Variants in RBM39 observed in about 807,000 individuals in gnomAD.
The protein encoded by RBM39 is RNA binding motif protein 39, also known as RNA-binding protein 39.
In RBM39, 12 loss-of-function variants were observed where a neutral mutation model predicts 79.6. The observed-to-expected ratio is 0.15, with a 90% CI of 0.10 to 0.24. The LOEUF (loss-of-function observed/expected upper bound fraction) is 0.24. Among genes scored for constraint, RBM39 ranks in the 10% least tolerant of loss-of-function variants. The pLI, the probability that RBM39 is intolerant of heterozygous loss-of-function variation, is 1.00. For synonymous variants in RBM39, 185 were observed against 208.4 expected, an observed-to-expected ratio of 0.89 and a Z score of 0.97; for missense variants, 243 against 653.4, an observed-to-expected ratio of 0.37 and a Z score of 6.85.
Position 35,705,201 on chromosome 20 carries a change from A to G in RBM39, c.1413+24T>C, listed in dbSNP as rs201883929. On this transcript the variant is annotated intron_variant, in intron 15 of 16. Transcript: ENST00000253363. ...AGGTAGAGACGAACAACCTAACATC[A>G]TTTATAAAAAAAGATGAAAATACCT... 1,086 of 1,361,010 alleles carry G rather than the reference A, an allele frequency of 8.0e-4. 1 individual carries two copies. Among genetic ancestry groups the G allele is most frequent in the Non-Finnish European group, 1.0e-3 (1,012 of 974,492 alleles). 84.3% of individuals were successfully genotyped at this position (1,361,010 alleles called of 1,614,324 possible). A position where few individuals can be genotyped will look rare whatever the true frequency, so the allele number is the denominator to read the frequency against.
chr20:35,709,160 C>A, intron 13 of RBM39, 64 bp downstream of exon 13: 1 of 1,404,586 alleles, frequency 7.1e-7, no homozygotes. Context: ...ATATAGAAAA[C>A]TGTCTTACTA....
chr20:35,722,457 G>GTTTTTTTTTTT (rs1423718184), intron 8 of RBM39, among the ~76,000 whole-genome samples: 9 of 131,250 alleles, frequency 6.9e-5, no homozygotes, highest in South Asian at 4.9e-4. Context: ...TTATTTAGAG[G>GTTTTTTTTTTT]CTTTTTTTTT....
intron 15 of RBM39, 124 bp from the exon 16 acceptor site, chr20:35,704,870 G>GT: frequency 1.3e-6 from 1 of 744,964 alleles, no homozygotes; most frequent in South Asian, 1.8e-5. Context: ...TACCATAATG[G>GT]TTCCACTGGC....
intron 12 of RBM39, 144 bp downstream of exon 12, chr20:35,712,875 T>A: frequency 1.6e-6 from 1 of 624,018 alleles, no homozygotes; most frequent in Non-Finnish European, 2.7e-6. Context: ...TGTCTCCACT[T>A]CCTTAAATAG....
At chr20:35,724,902 T>G (rs2038469222) in intron 7 of RBM39, 136 bp downstream of exon 7, 1 of 997,568 alleles carries the variant, frequency 1.0e-6, no homozygotes, top group Admixed American at 2.3e-5. Context: ...ATTTATCAAC[T>G]CCAATACTAC....
intron 13 of RBM39, 170 bp from the exon 14 acceptor site, chr20:35,707,371 G>C (rs1173946687): frequency 2.4e-6 from 1 of 409,486 alleles, no homozygotes; most frequent in Non-Finnish European, 4.4e-6. Context: ...GTAGCTTTTA[G>C]GTGCCAGAAA....
At chr20:35,731,082 GAT>G (rs2039317286) in intron 4 of RBM39, among the ~76,000 whole-genome samples, 2 of 152,194 alleles carry the variant, frequency 1.3e-5, no homozygotes, top group Admixed American at 1.3e-4. Flanking sequence ...TAGCTTAGGG[GAT>G]TAAGTATCTT....
In RBM39 at chr20:35,721,720, A is replaced by T. The variant is rs750583615; in HGVS notation, c.825+20T>A. ...CAGATCAACAACCTACTGAAGATTC[A>T]TTGAAGAACCTGGACTTACTCTTCC... On this transcript the variant is annotated intron_variant, in intron 9 of 16. Coordinates refer to ENST00000253363, the MANE Select transcript of RBM39 (RefSeq NM_184234.3). 6.2e-7 allele frequency: 1 copy of T among 1,611,378 alleles called. No individual in the cohort carries two copies. Among genetic ancestry groups the T allele is most frequent in the South Asian group, 1.1e-5 (1 of 90,996 alleles).
Position 35,740,883 on chromosome 20 carries a change from A to C in RBM39, c.-9T>G. 6.2e-7 allele frequency: 1 copy of C among 1,607,624 alleles called. No individual in the cohort carries two copies. The highest frequency in any genetic ancestry group is 2.2e-5 in the East Asian group (1 of 44,812). ...TCAATATCGTCTGCCATTTTCTCTAAACGCCTAGGAAGAGAACAAGACAAT... is the reference window on the plus strand; with the variant it reads ...TCAATATCGTCTGCCATTTTCTCTACACGCCTAGGAAGAGAACAAGACAAT... On this transcript the variant is annotated 5_prime_UTR_variant, in exon 2 of 17. Coordinates refer to ENST00000253363, the MANE Select transcript of RBM39 (RefSeq NM_184234.3).
chr20:35,712,384 G>C (rs1208253494), intron 12 of RBM39, among the ~76,000 whole-genome samples: 1 of 130,728 alleles, frequency 7.6e-6, no homozygotes, highest in Non-Finnish European at 1.5e-5. Flanking sequence ...AGTGAGCCGA[G>C]ACTGCACCAC....
intron 1 of RBM39, 75 bp from the exon 2 acceptor site, chr20:35,740,962 T>C: frequency 1.0e-6 from 1 of 973,542 alleles, no homozygotes; most frequent in Admixed American, 2.2e-5. Flanking sequence ...TCTTGTTGCC[T>C]ATATCGTCTA....
rs1402425755 is a variant in RBM39 at position 35,703,238 on chromosome 20, T to C, written c.*1243A>G. The C allele has an allele frequency of 1.3e-5, 2 of 152,170 alleles. No homozygotes were observed. The highest frequency in any genetic ancestry group is 2.9e-5 in the Non-Finnish European group (2 of 68,036). The allele number at this position is 152,170 out of a possible 1,614,324, so 9.4% of individuals were successfully genotyped here. A position where few individuals can be genotyped will look rare whatever the true frequency, so the allele number is the denominator to read the frequency against. On this transcript the variant is annotated 3_prime_UTR_variant, in exon 17 of 17. Transcript: ENST00000253363. ...ACAGTAATATATGCACCTTATTTAA[T>C]ATATTAATATATAAATCAATTTTGG...
At chr20:35,735,138 C>T in intron 3 of RBM39, 1 of 1,440,516 alleles carries the variant, frequency 6.9e-7, no homozygotes, top group Non-Finnish European at 9.1e-7. Context: ...ATAGATAATC[C>T]ACACCACAGT....
chr20:35,732,277 AC>A lies in RBM39; in HGVS notation c.102-143del, dbSNP rs369483422. 1,342 of 606,470 alleles carry A rather than the reference AC, an allele frequency of 2.2e-3. 13 individuals carry two copies. In the African/African-American group the frequency reaches 0.06, roughly 27 times the overall value. The allele number at this position is 606,470 out of a possible 1,614,324, so 37.6% of individuals were successfully genotyped here. ...CTATGATACAATGGTACATAATCAT[AC>A]TTAAAAAAAAAAAAAAATCCTGTAA... On this transcript the variant is annotated intron_variant, in intron 3 of 16. Coordinates refer to ENST00000253363, the MANE Select transcript of RBM39 (RefSeq NM_184234.3).
chr20:35,731,085 T>TCC (rs1224388864), intron 4 of RBM39, among the ~76,000 whole-genome samples: 1 of 152,176 alleles, frequency 6.6e-6, no homozygotes, highest in Non-Finnish European at 1.5e-5. Flanking sequence ...CTTAGGGGAT[T>TCC]AAGTATCTTG....
At chr20:35,704,646 C>A in intron 16 of RBM39, 22 bp downstream of exon 16, 2 of 1,612,694 alleles carry the variant, frequency 1.2e-6, no homozygotes, top group South Asian at 2.2e-5. Context: ...AACAATCAGT[C>A]AAAAAATAAA....
chr20:35,706,809 C>T (rs959827401), intron 14 of RBM39, among the ~76,000 whole-genome samples: 4 of 152,042 alleles, frequency 2.6e-5, no homozygotes, highest in Non-Finnish European at 1.5e-5. Context: ...GGGCGGATCA[C>T]CTCAGGTCGG....
chr20:35,726,002 A>T (rs1358239885), intron 6 of RBM39, among the ~76,000 whole-genome samples: 1 of 152,172 alleles, frequency 6.6e-6, no homozygotes, highest in African/African-American at 2.4e-5. Flanking sequence ...TTGACAAAAA[A>T]TGCGCATAAA....
At chr20:35,711,780 T>C (rs898507248) in intron 12 of RBM39, among the ~76,000 whole-genome samples, 1 of 152,220 alleles carries the variant, frequency 6.6e-6, no homozygotes, top group African/African-American at 2.4e-5. Flanking sequence ...CTCTTCGTAC[T>C]TTCAGATGTG....
Sources: allele counts gnomAD v4.1 joint callset (sites outside exome capture counted in the v4.1 genomes callset), GRCh38; gene constraint gnomAD v4.1.1; transcripts MANE v1.5; gene names NCBI Gene and HGNC (gene_info 2026-07-23, HGNC 2026-07-21).